Variants in MRPL48 observed in about 807,000 individuals in gnomAD.
MRPL48 encodes mitochondrial ribosomal protein L48.
A neutral mutation model predicts 32.9 loss-of-function variants in MRPL48; 16 were observed. The ratio of observed to expected loss-of-function variants is 0.49; its 90% confidence interval spans 0.33 to 0.74. MRPL48 has a LOEUF of 0.74. Among genes scored for constraint, MRPL48 ranks in the 30% least tolerant of loss-of-function variants. The pLI is 0.02. For missense variants in MRPL48, 206 were observed against 245.3 expected, an observed-to-expected ratio of 0.84 and a Z score of 1.07; for synonymous variants, 94 against 89.2, an observed-to-expected ratio of 1.05 and a Z score of -0.31.
At chr11:73,853,720 T>G (rs1200919078) in intron 5 of MRPL48, among the ~76,000 whole-genome samples, 6 of 132,054 alleles carry the variant, frequency 4.5e-5, no homozygotes, top group African/African-American at 1.7e-4. Flanking sequence ...AGATGGAGTC[T>G]CGCTCTGTTG....
At position 73,800,764 on chromosome 11, in the gene MRPL48, A is replaced by G. The variant is rs188694206; in HGVS notation, c.22-4263A>G. 5.3e-5 allele frequency among the ~76,000 whole-genome samples: 8 copies of G among 151,312 alleles called. No homozygotes were observed. In the East Asian group the frequency reaches 9.7e-4, roughly 18 times the overall value. On this transcript the variant is annotated intron_variant, in intron 1 of 7. Coordinates refer to ENST00000310614, the MANE Select transcript of MRPL48 (RefSeq NM_016055.6). ...AGAGCTGACCGGGAGAGTTCATACCATAATTTGAATGTCTTCCAGAAAGTT... is the reference window on the plus strand; with the variant it reads ...AGAGCTGACCGGGAGAGTTCATACCGTAATTTGAATGTCTTCCAGAAAGTT...
rs907642247 is a variant in MRPL48 at position 73,844,848 on chromosome 11, T to C, written c.243T>C (p.Asn81=). ...GAAAAGTGGAAGTGAGAGCCATTAA[T>C]TTGGGGACAGATTATGAATATGGGG... The part of the protein sequence containing the change: ...KKGKVEVRAI[N]LGTDYEYGVL... Residue 81 remains asparagine (N), a synonymous_variant, in exon 5 of 8, where the codon AAT becomes AAC. Transcript: ENST00000310614. The C allele has an allele frequency of 6.2e-7, 1 of 1,613,776 alleles. No homozygotes were observed. The highest frequency in any genetic ancestry group is 1.7e-5 in the Admixed American group (1 of 59,978).
chr11:73,821,257 A>G (rs1171112607), intron 3 of MRPL48, among the ~76,000 whole-genome samples: 1 of 152,062 alleles, frequency 6.6e-6, no homozygotes, highest in Non-Finnish European at 1.5e-5. Context: ...AGCCTCCCAA[A>G]GTGCAGAGAT....
At chr11:73,821,679 A>C (rs1184768997) in intron 3 of MRPL48, among the ~76,000 whole-genome samples, 2 of 152,030 alleles carry the variant, frequency 1.3e-5, no homozygotes, top group Non-Finnish European at 2.9e-5. Flanking sequence ...AGCCCTTATC[A>C]CCTTGCATTG....
At chr11:73,835,607 T>C (rs1948086105) in intron 4 of MRPL48, among the ~76,000 whole-genome samples, 1 of 152,044 alleles carries the variant, frequency 6.6e-6, no homozygotes, top group African/African-American at 2.4e-5. Context: ...CTTTTAAAAA[T>C]GCCATTTATG....
At chr11:73,831,129 C>G (rs946649084) in intron 4 of MRPL48, among the ~76,000 whole-genome samples, 3 of 152,062 alleles carry the variant, frequency 2.0e-5, no homozygotes, top group African/African-American at 4.8e-5. Context: ...CATGAGCCAC[C>G]GTGCCCAGCC....
intron 1 of MRPL48, 53 bp from the exon 2 acceptor site, chr11:73,804,974 C>T (rs1029461893): frequency 1.3e-6 from 2 of 1,526,948 alleles, no homozygotes; most frequent in Admixed American, 2.0e-5. Flanking sequence ...AGAAGACATA[C>T]TTGGAGGTCT....
intron 5 of MRPL48, among the ~76,000 whole-genome samples, chr11:73,857,429 A>C (rs1406794283): frequency 6.8e-6 from 1 of 147,210 alleles, no homozygotes; most frequent in Non-Finnish European, 1.5e-5. Flanking sequence ...ACTGCGCCCG[A>C]CCGACTTTTT....
At chr11:73,811,286 G>A (rs1947561394) in intron 3 of MRPL48, among the ~76,000 whole-genome samples, 1 of 152,132 alleles carries the variant, frequency 6.6e-6, no homozygotes, top group Admixed American at 6.6e-5. Flanking sequence ...AGGTAGGTGG[G>A]GTGGATGGGT....
intron 4 of MRPL48, chr11:73,842,215 T>G (rs1003646104): frequency 1.3e-5 from 2 of 151,970 alleles, no homozygotes; most frequent in Non-Finnish European, 2.9e-5. Flanking sequence ...CCTCCCAAAG[T>G]GCAGGAATTA....
intron 1 of MRPL48, among the ~76,000 whole-genome samples, chr11:73,788,659 A>G (rs1176451576): frequency 6.6e-6 from 1 of 151,658 alleles, no homozygotes; most frequent in Non-Finnish European, 1.5e-5. Flanking sequence ...TTTTTAGTAG[A>G]GACGGGGTTT....
chr11:73,836,604 C>T (rs1034967965), intron 4 of MRPL48, among the ~76,000 whole-genome samples: 1 of 152,050 alleles, frequency 6.6e-6, no homozygotes, highest in East Asian at 1.9e-4. Flanking sequence ...ATTATTTAAG[C>T]CTTAGAGTAT....
intron 1 of MRPL48, among the ~76,000 whole-genome samples, chr11:73,793,607 G>A (rs1565398500): frequency 4.6e-5 from 7 of 152,142 alleles, no homozygotes; most frequent in Admixed American, 3.3e-4. Context: ...GTCCTGAAAT[G>A]AGAACACACT....
chr11:73,830,684 A>C (rs1947976692), intron 4 of MRPL48, among the ~76,000 whole-genome samples: 1 of 152,144 alleles, frequency 6.6e-6, no homozygotes. Context: ...TCTCATGCTC[A>C]TGCATAAAGT....
intron 1 of MRPL48, among the ~76,000 whole-genome samples, chr11:73,795,720 A>G (rs1947243714): frequency 6.7e-6 from 1 of 148,650 alleles, no homozygotes; most frequent in African/African-American, 2.5e-5. Flanking sequence ...GTTAGCCAGG[A>G]TGGTCTCGAT....
chr11:73,846,661 TTTC>T (rs1426165742), intron 5 of MRPL48, among the ~76,000 whole-genome samples: 2 of 137,084 alleles, frequency 1.5e-5, no homozygotes, highest in Non-Finnish European at 3.2e-5. Context: ...GCCCACCTCC[TTTC>T]TTTTTTTTTT....
At chr11:73,820,762 G>T (rs1947765083) in intron 3 of MRPL48, among the ~76,000 whole-genome samples, 1 of 151,704 alleles carries the variant, frequency 6.6e-6, no homozygotes, top group South Asian at 2.1e-4. Flanking sequence ...ACAAGGAACA[G>T]ATTTTAAAAG....
At chr11:73,791,843 G>T (rs555963548) in intron 1 of MRPL48, among the ~76,000 whole-genome samples, 2 of 152,180 alleles carry the variant, frequency 1.3e-5, no homozygotes, top group African/African-American at 4.8e-5. Flanking sequence ...GTACATGGTA[G>T]AGCTGGGACT....
chr11:73,861,535 A>C (rs981441862), intron 6 of MRPL48, among the ~76,000 whole-genome samples: 14 of 151,914 alleles, frequency 9.2e-5, no homozygotes, highest in Non-Finnish European at 1.8e-4. Flanking sequence ...ATGCCCAGCT[A>C]ATTTTGTATT....
Sources: gnomAD v4.1 joint callset for allele counts (sites outside exome capture counted in the v4.1 genomes callset) on GRCh38, gnomAD v4.1.1 for gene constraint, MANE v1.5 for transcripts, NCBI Gene and HGNC (gene_info 2026-07-23, HGNC 2026-07-21) for gene names.